Variants in EYA1 observed in about 807,000 individuals in gnomAD.
EYA1 encodes the protein EYA transcriptional coactivator and phosphatase 1.
Under a neutral mutation model 82.0 loss-of-function variants are expected in EYA1, and 16 were observed. The observed-to-expected ratio is 0.20, with a 90% CI of 0.13 to 0.30. The LOEUF (loss-of-function observed/expected upper bound fraction) is 0.30. EYA1 is among the 10% of genes least tolerant of loss of function. The pLI is 1.00. For missense variants in EYA1, 633 were observed against 730.7 expected (o/e 0.87, Z 1.54); for synonymous variants, 261 against 264.4 (o/e 0.99, Z 0.12).
intron 2 of EYA1, among the ~76,000 whole-genome samples, chr8:71,429,357 T>C (rs899497670): frequency 2.0e-5 from 3 of 152,172 alleles, no homozygotes; most frequent in African/African-American, 7.2e-5. Flanking sequence ...AAGCACACAA[T>C]TAAGTTGATT....
chr8:71,361,867 C>A lies in EYA1; in HGVS notation c.-275G>T. 1 of 985,460 alleles carries A rather than the reference C, an allele frequency of 1.0e-6. No homozygotes were observed. The highest frequency in any genetic ancestry group is 5.2e-4 in the Middle Eastern group (1 of 1,914). 61.0% of individuals were successfully genotyped at this position (985,460 alleles called of 1,614,324 possible). A position where few individuals can be genotyped will look rare whatever the true frequency, so the allele number is the denominator to read the frequency against. ...GGCCGCTGCCGCAGGCTCGGGCTGC[C>A]GAGCGACTGAGCGAAAACGTGTTCC... On this transcript the variant is annotated 5_prime_UTR_variant, in exon 1 of 18. Transcript: ENST00000340726.
intron 2 of EYA1, among the ~76,000 whole-genome samples, chr8:71,460,442 G>A (rs1175176272): frequency 2.0e-5 from 3 of 152,202 alleles, no homozygotes; most frequent in Non-Finnish European, 2.9e-5. Context: ...CTGGAGTGGG[G>A]AGAATATGAA....
intron 17 of EYA1, among the ~76,000 whole-genome samples, chr8:71,202,704 C>G (rs181260727): frequency 4.6e-4 from 70 of 152,302 alleles, no homozygotes; most frequent in African/African-American, 1.7e-3. Flanking sequence ...ATTCTGGGGA[C>G]ACTCCACCCA....
chr8:71,328,609 A>C (rs1823438078), intron 4 of EYA1, among the ~76,000 whole-genome samples: 1 of 152,150 alleles, frequency 6.6e-6, no homozygotes, highest in Admixed American at 6.6e-5. Flanking sequence ...AGACCTGAAA[A>C]CATATTTTCA....
At chr8:71,494,022 C>CAA (rs34340467) in intron 2 of EYA1, among the ~76,000 whole-genome samples, 3,141 of 39,556 alleles carry the variant, frequency 0.079, 652 homozygotes, top group East Asian at 0.71. Flanking sequence ...GACTCCGTCT[C>CAA]AAAAAAAAAA....
chr8:71,476,652 T>A (rs999068048), intron 2 of EYA1, among the ~76,000 whole-genome samples: 1 of 137,822 alleles, frequency 7.3e-6, no homozygotes. Context: ...ACCCCCCAAA[T>A]TGATCTACAC....
chr8:71,323,209 G>A (rs1431669937), intron 4 of EYA1, among the ~76,000 whole-genome samples: 1 of 152,014 alleles, frequency 6.6e-6, no homozygotes, highest in Non-Finnish European at 1.5e-5. Flanking sequence ...ACGTTTATGG[G>A]TATACATGTA....
At chr8:71,272,527 T>C (rs962271239) in intron 9 of EYA1, among the ~76,000 whole-genome samples, 1 of 151,920 alleles carries the variant, frequency 6.6e-6, no homozygotes, top group Admixed American at 6.6e-5. Flanking sequence ...GAACCAAACA[T>C]CCAAAACCAG....
At chr8:71,405,019 C>T (rs1413832377) in intron 2 of EYA1, 1 of 151,614 alleles carries the variant, frequency 6.6e-6, no homozygotes, top group African/African-American at 2.4e-5. Flanking sequence ...TAGGACACCA[C>T]CTCTTCAGTT....
chr8:71,215,829 C>T (rs1809125929), intron 14 of EYA1, 101 bp from the exon 15 acceptor site: 6 of 760,078 alleles, frequency 7.9e-6, no homozygotes, highest in Non-Finnish European at 9.3e-6. Context: ...TACCAGCCTC[C>T]AGATTTATAG....
intron 2 of EYA1, among the ~76,000 whole-genome samples, chr8:71,423,481 C>G (rs1311114355): frequency 2.0e-5 from 3 of 151,996 alleles, no homozygotes; most frequent in African/African-American, 7.2e-5. Flanking sequence ...AATCCATAGT[C>G]AAATTGTTTT....
intron 2 of EYA1, among the ~76,000 whole-genome samples, chr8:71,356,226 C>T (rs2129071618): frequency 6.6e-6 from 1 of 152,304 alleles, no homozygotes; most frequent in Admixed American, 6.5e-5. Context: ...TCTCATTACA[C>T]ATTCACAGTT....
chr8:71,338,284 A>C (rs2129050846), intron 3 of EYA1, among the ~76,000 whole-genome samples: 1 of 152,374 alleles, frequency 6.6e-6, no homozygotes, highest in South Asian at 2.1e-4. Flanking sequence ...GATTATATGA[A>C]GAAAACTTAT....
At chr8:71,403,649 T>C (rs941443848) in intron 2 of EYA1, 1 of 152,136 alleles carries the variant, frequency 6.6e-6, no homozygotes, top group African/African-American at 2.4e-5. Context: ...AAATTACAGG[T>C]GTGAAAGAAC....
chr8:71,199,341 T>C lies in EYA1; in HGVS notation c.1778A>G (p.Ter593=). The change falls in exon 18 of 18, where the codon TAA becomes TGA. Residue 593 remains the stop codon, a stop_retained_variant. Coordinates refer to ENST00000340726, the MANE Select transcript of EYA1 (RefSeq NM_000503.6). ...GCGCTGTCAAAGTGCCGAGCGCTGT[T>C]ACAGGTACTCCAGTTCCAAGGCATG... is the stretch of plus-strand genomic sequence containing the variant. ...LHHALELEYL[*] is the part of the protein sequence containing the mutation. 6.2e-7 allele frequency: 1 copy of C among 1,609,310 alleles called. No homozygotes were observed. Among genetic ancestry groups the C allele is most frequent in the African/African-American group, 1.3e-5 (1 of 74,962 alleles).
chr8:71,334,364 G>A (rs906079058), intron 3 of EYA1, 190 bp from the exon 4 acceptor site: 1 of 655,480 alleles, frequency 1.5e-6, no homozygotes, highest in Non-Finnish European at 2.7e-6. Flanking sequence ...TTTCCCCTTA[G>A]GAAACAATCT....
intron 1 of EYA1, among the ~76,000 whole-genome samples, chr8:71,357,258 A>T (rs117859396): frequency 0.022 from 3,281 of 152,374 alleles, 53 homozygotes; most frequent in South Asian, 0.067. Context: ...TTTTAAACCG[A>T]GGAAGAAAAT....
chr8:71,365,066 G>A (rs1003267751), upstream of EYA1, among the ~76,000 whole-genome samples: 1 of 149,388 alleles, frequency 6.7e-6, no homozygotes. Flanking sequence ...ATATATATGT[G>A]AGAGAGAGAG....
intron 2 of EYA1, chr8:71,531,275 A>AT (rs1487618354): frequency 6.6e-6 from 1 of 152,224 alleles, no homozygotes; most frequent in African/African-American, 2.4e-5. Context: ...CAAAATTGTG[A>AT]TTTTAAATCA....
Sources: allele counts gnomAD v4.1 joint callset (sites outside exome capture counted in the v4.1 genomes callset), GRCh38; gene constraint gnomAD v4.1.1; transcripts MANE v1.5; gene names NCBI Gene and HGNC (gene_info 2026-07-23, HGNC 2026-07-21).